DLG2: variants seen among roughly 807,000 people sequenced by gnomAD.
The protein encoded by DLG2 is disks large homolog 2.
In DLG2, 45 loss-of-function variants were observed where a neutral mutation model predicts 132.5. The observed-to-expected ratio is 0.34, with a 90% CI of 0.27 to 0.44. DLG2 has a LOEUF of 0.44. DLG2 is among the 20% of genes least tolerant of loss of function. DLG2 has a pLI of 1.00. For synonymous variants in DLG2, 424 were observed against 419.6 expected, an observed-to-expected ratio of 1.01 and a Z score of -0.13; for missense variants, 1,045 against 1,196.9, an observed-to-expected ratio of 0.87 and a Z score of 1.87.
At chr11:85,583,949 A>T (rs1399398806) in intron 3 of DLG2, among the ~76,000 whole-genome samples, 1 of 152,156 alleles carries the variant, frequency 6.6e-6, no homozygotes, top group African/African-American at 2.4e-5. Context: ...CAAGCTCTCA[A>T]CCCCTGGTTA....
chr11:84,948,158 T>A (rs946919912), intron 6 of DLG2, among the ~76,000 whole-genome samples: 2 of 152,244 alleles, frequency 1.3e-5, no homozygotes, highest in Non-Finnish European at 2.9e-5. Flanking sequence ...TGCAGGATGA[T>A]GCAATAGTTG....
chr11:84,253,350 C>G (rs1232834073), intron 7 of DLG2, among the ~76,000 whole-genome samples: 1 of 151,956 alleles, frequency 6.6e-6, no homozygotes, highest in East Asian at 1.9e-4. Context: ...ATTTTCCTTC[C>G]GTGTAGAATG....
chr11:84,610,176 T>C (rs556579884), intron 6 of DLG2, among the ~76,000 whole-genome samples: 2 of 152,100 alleles, frequency 1.3e-5, no homozygotes, highest in Non-Finnish European at 2.9e-5. Flanking sequence ...AAGCTTTTCA[T>C]GATGCCACCT....
At chr11:84,954,560 G>A (rs921955924) in intron 6 of DLG2, among the ~76,000 whole-genome samples, 6 of 152,168 alleles carry the variant, frequency 3.9e-5, no homozygotes, top group African/African-American at 1.4e-4. Context: ...GCTTTATTGA[G>A]CAGAGGTTAT....
chr11:84,428,238 C>T (rs1277015206), intron 7 of DLG2, among the ~76,000 whole-genome samples: 1 of 152,158 alleles, frequency 6.6e-6, no homozygotes, highest in Non-Finnish European at 1.5e-5. Context: ...GGTGTTAACT[C>T]TGCTGAATCC....
chr11:83,816,073 T>C (rs560000064), intron 17 of DLG2, among the ~76,000 whole-genome samples: 37 of 152,296 alleles, frequency 2.4e-4, no homozygotes, highest in Admixed American at 2.0e-3. Flanking sequence ...CCCTCTAATA[T>C]ATCATGTCCA....
intron 8 of DLG2, among the ~76,000 whole-genome samples, chr11:84,249,456 A>C (rs1195416439): frequency 6.6e-6 from 1 of 152,208 alleles, no homozygotes; most frequent in South Asian, 2.1e-4. Context: ...TCTACAGCCA[A>C]GCTATCTGGA....
intron 21 of DLG2, among the ~76,000 whole-genome samples, chr11:83,510,567 G>A (rs1228641965): frequency 6.6e-6 from 1 of 152,148 alleles, no homozygotes; most frequent in Non-Finnish European, 1.5e-5. Context: ...ATGCATCACG[G>A]GGATTAGGAC....
chr11:84,142,955 C>G (rs73515768), intron 9 of DLG2, among the ~76,000 whole-genome samples: 12 of 151,872 alleles, frequency 7.9e-5, no homozygotes, highest in African/African-American at 1.5e-4. Flanking sequence ...ATATGTCCTA[C>G]TGATTCTTTT....
intron 6 of DLG2, among the ~76,000 whole-genome samples, chr11:84,937,573 G>A (rs1400869770): frequency 1.3e-5 from 2 of 152,090 alleles, no homozygotes; most frequent in African/African-American, 2.4e-5. Flanking sequence ...TCTGGAGGAC[G>A]AGTAGGATTT....
At chr11:84,540,501 T>A (rs1363456679) in intron 6 of DLG2, among the ~76,000 whole-genome samples, 6 of 152,162 alleles carry the variant, frequency 3.9e-5, no homozygotes, top group African/African-American at 1.4e-4. Context: ...AGATACCATC[T>A]CACTCAGTTA....
At chr11:84,778,435 G>T (rs1393293543) in intron 6 of DLG2, among the ~76,000 whole-genome samples, 1 of 151,940 alleles carries the variant, frequency 6.6e-6, no homozygotes, top group African/African-American at 2.4e-5. Context: ...GAGTCTTCTG[G>T]TTCATTTTTG....
intron 19 of DLG2, among the ~76,000 whole-genome samples, chr11:83,579,008 ATG>A (rs750427006): frequency 4.6e-5 from 7 of 152,146 alleles, no homozygotes; most frequent in Non-Finnish European, 8.8e-5. Context: ...GTTGCTTTAC[ATG>A]TGTTTGGATT....
At chr11:85,164,620 C>G (rs1176825738) in intron 4 of DLG2, among the ~76,000 whole-genome samples, 1 of 152,126 alleles carries the variant, frequency 6.6e-6, no homozygotes, top group Non-Finnish European at 1.5e-5. Context: ...ACTTTCTCCT[C>G]CCCAGAGTCA....
intron 3 of DLG2, among the ~76,000 whole-genome samples, chr11:85,497,224 A>G (rs2093688175): frequency 6.6e-6 from 1 of 152,068 alleles, no homozygotes; most frequent in African/African-American, 2.4e-5. Context: ...CAGTGTAGAG[A>G]AGAACTTAAA....
chr11:84,559,757 C>A (rs539069888), intron 6 of DLG2, among the ~76,000 whole-genome samples: 1 of 152,094 alleles, frequency 6.6e-6, no homozygotes, highest in East Asian at 1.9e-4. Context: ...CTGATCAATA[C>A]ATTTTTTGCA....
At chr11:85,548,741 C>T (rs571769378) in intron 3 of DLG2, among the ~76,000 whole-genome samples, 6 of 152,252 alleles carry the variant, frequency 3.9e-5, no homozygotes, top group Admixed American at 6.5e-5. Flanking sequence ...TGCTGAGCTG[C>T]GGTGGGCTCC....
intron 3 of DLG2, among the ~76,000 whole-genome samples, chr11:85,381,032 T>C (rs141709436): frequency 6.2e-4 from 95 of 152,304 alleles, no homozygotes; most frequent in African/African-American, 2.2e-3. Context: ...TAAAAATGAA[T>C]ATTTCTCTAC....
chr11:85,344,637 T>A (rs979780417), intron 3 of DLG2, among the ~76,000 whole-genome samples: 1 of 152,178 alleles, frequency 6.6e-6, no homozygotes, highest in Non-Finnish European at 1.5e-5. Flanking sequence ...TAAGACACTA[T>A]ACAAAGTATA....
Sources: gnomAD v4.1 joint callset for allele counts (sites outside exome capture counted in the v4.1 genomes callset) on GRCh38, gnomAD v4.1.1 for gene constraint, MANE v1.5 for transcripts, NCBI Gene and HGNC (gene_info 2026-07-23, HGNC 2026-07-21) for gene names.